EHD1: variants seen among roughly 807,000 people sequenced by gnomAD.
EHD1 encodes the protein EH domain-containing protein 1.
A neutral mutation model predicts 39.0 loss-of-function variants in EHD1; 19 were observed. The observed-to-expected ratio is 0.49, with a 90% CI of 0.34 to 0.72. The LOEUF is 0.72. EHD1 is among the 30% of genes least tolerant of loss of function. The probability of loss-of-function intolerance (pLI) is 0.01; values close to 1 mark genes in which losing one functional copy is unlikely to be tolerated. For missense variants in EHD1, 542 were observed against 751.5 expected (o/e 0.72, Z 3.26); for synonymous variants, 323 against 331.2 (o/e 0.98, Z 0.27).
At position 64,868,084 on chromosome 11, in the gene EHD1, C is replaced by CAA. The variant is rs1191449396; in HGVS notation, c.502+6336_502+6337insTT. 6.6e-6 allele frequency among the ~76,000 whole-genome samples: 1 copy of CAA among 152,218 alleles called. No homozygotes were observed. The highest frequency in any genetic ancestry group is 2.4e-5 in the African/African-American group (1 of 41,450). On this transcript the variant is annotated intron_variant, in intron 2 of 4. Coordinates refer to ENST00000320631, the MANE Select transcript of EHD1 (RefSeq NM_006795.4). The surrounding 1 kb of genome is among the most constrained non-coding windows in gnomAD (Gnocchi z 4.2). ...CCTCCCCGCCCTACCCCAGCAGCCT[C>CAA]CAAAACACAGGTAGTTCCAGCCGCA...
chr11:64,851,914 C>A lies in EHD1; in HGVS notation c.*2419G>T, dbSNP rs1188626940. ...CGTGACAGCGCAGCTCCACCTGGCA[C>A]AGGGTGAATGCCCACAGGTGGCAGC... is the stretch of plus-strand genomic sequence containing the variant. On this transcript the variant is annotated 3_prime_UTR_variant, in exon 5 of 5. Coordinates refer to ENST00000320631, the MANE Select transcript of EHD1 (RefSeq NM_006795.4). 1 of 152,246 alleles carries A rather than the reference C, an allele frequency of 6.6e-6. No homozygotes were observed. Among genetic ancestry groups the A allele is most frequent in the Non-Finnish European group, 1.5e-5 (1 of 68,056 alleles). The allele number at this position is 152,246 out of a possible 1,614,324, so 9.4% of individuals were successfully genotyped here. A position where few individuals can be genotyped will look rare whatever the true frequency, so the allele number is the denominator to read the frequency against.
At chr11:64,855,529 C>T (rs1354834261) in intron 3 of EHD1, 43 bp from the exon 4 acceptor site, 1 of 1,610,026 alleles carries the variant, frequency 6.2e-7, no homozygotes, top group East Asian at 2.2e-5. Flanking sequence ...TTGGCCCAGG[C>T]TGCCCCCGAG....
At chr11:64,866,536 G>A (rs1392730123) in intron 2 of EHD1, among the ~76,000 whole-genome samples, 2 of 152,028 alleles carry the variant, frequency 1.3e-5, no homozygotes, top group East Asian at 3.9e-4. Flanking sequence ...AAAAAAATTT[G>A]GGTGTGGTGG....
Position 64,854,116 on chromosome 11 carries a change from A to T in EHD1, c.*217T>A. 1.3e-6 allele frequency: 1 copy of T among 790,032 alleles called. No individual in the cohort carries two copies. Among genetic ancestry groups the T allele is most frequent in the Non-Finnish European group, 1.9e-6 (1 of 513,230 alleles). The allele number at this position is 790,032 out of a possible 1,614,324, so 48.9% of individuals were successfully genotyped here. On this transcript the variant is annotated 3_prime_UTR_variant, in exon 5 of 5. Coordinates refer to ENST00000320631, the MANE Select transcript of EHD1 (RefSeq NM_006795.4). ...AGCCTCTAACGTTATATATTAAAAT[A>T]GCCACAGTTCTTGTGCACACAATTC...
intron 2 of EHD1, among the ~76,000 whole-genome samples, chr11:64,862,363 A>G (rs1426653843): frequency 1.3e-5 from 2 of 152,220 alleles, no homozygotes; most frequent in East Asian, 1.9e-4. Context: ...AGCTGGATTC[A>G]TGGCCTCCCA....
intron 3 of EHD1, among the ~76,000 whole-genome samples, chr11:64,858,838 G>A (rs1461235157): frequency 6.6e-6 from 1 of 152,214 alleles, no homozygotes. Context: ...AAACCCTTTG[G>A]CCATTCAGAG....
chr11:64,874,656 T>C (rs1943866841), intron 1 of EHD1, 138 bp from the exon 2 acceptor site: 1 of 671,350 alleles, frequency 1.5e-6, no homozygotes, highest in Non-Finnish European at 2.3e-6. Flanking sequence ...GGTGGTTTTC[T>C]ATCGTCTTAG....
chr11:64,863,423 C>T (rs768240346), intron 2 of EHD1, among the ~76,000 whole-genome samples: 9 of 152,308 alleles, frequency 5.9e-5, no homozygotes, highest in Non-Finnish European at 1.0e-4. Context: ...GCAGCCCTGC[C>T]GTCCCCCAGT....
rs1943583761 is a variant in EHD1 at position 64,851,717 on chromosome 11, G to GA, written c.*2615_*2616insT. On this transcript the variant is annotated 3_prime_UTR_variant, in exon 5 of 5. Coordinates refer to ENST00000320631, the MANE Select transcript of EHD1 (RefSeq NM_006795.4). ...GCTGCAGTCTAAGGGTGGGGTTGGG[G>GA]GGATCTACCGTTTTTTCCTCTTAGT... 1 of 152,216 alleles carries GA rather than the reference G, an allele frequency of 6.6e-6. No individual in the cohort carries two copies. The highest frequency in any genetic ancestry group is 1.5e-5 in the Non-Finnish European group (1 of 68,070). The allele number at this position is 152,216 out of a possible 1,614,324, so 9.4% of individuals were successfully genotyped here. A position where few individuals can be genotyped will look rare whatever the true frequency, so the allele number is the denominator to read the frequency against.
intron 2 of EHD1, among the ~76,000 whole-genome samples, chr11:64,864,864 T>C (rs766860048): frequency 6.6e-6 from 1 of 151,134 alleles, no homozygotes; most frequent in Non-Finnish European, 1.5e-5. Flanking sequence ...CCTCCCAAAC[T>C]CCACCCAGCA....
chr11:64,866,016 C>G (rs1438145565), intron 2 of EHD1, among the ~76,000 whole-genome samples: 1 of 152,124 alleles, frequency 6.6e-6, no homozygotes, highest in Non-Finnish European at 1.5e-5. Flanking sequence ...GGCATAAACC[C>G]TAAGGAAGAG....
At position 64,878,505 on chromosome 11, in the gene EHD1, G is replaced by T; in HGVS notation, c.-41C>A. 2 of 1,550,762 alleles carry T rather than the reference G, an allele frequency of 1.3e-6. No individual in the cohort carries two copies. Among genetic ancestry groups the T allele is most frequent in the South Asian group, 1.2e-5 (1 of 82,602 alleles). On this transcript the variant is annotated 5_prime_UTR_variant, in exon 1 of 5. Transcript: ENST00000320631. Reference sequence around the variant, plus strand: ...GCTGGCTGCTGCGGGGCAGAGCGGCGGCTGAGAGCGGGGCGAGGGTGCGGA... The same window carrying T: ...GCTGGCTGCTGCGGGGCAGAGCGGCTGCTGAGAGCGGGGCGAGGGTGCGGA...
intron 3 of EHD1, among the ~76,000 whole-genome samples, chr11:64,859,152 C>T (rs988919537): frequency 3.5e-4 from 53 of 152,190 alleles, no homozygotes; most frequent in African/African-American, 1.2e-3. Context: ...GCGTGCTCTG[C>T]TTTCCCCATG....
intron 2 of EHD1, among the ~76,000 whole-genome samples, chr11:64,865,233 C>T (rs901485381): frequency 2.0e-5 from 3 of 152,270 alleles, no homozygotes; most frequent in Admixed American, 6.5e-5. Flanking sequence ...CCAGGCCCAC[C>T]GGCGCTCCTT....
chr11:64,854,972 A>G, intron 4 of EHD1, 115 bp from the exon 5 acceptor site: 6 of 1,366,288 alleles, frequency 4.4e-6, no homozygotes, highest in Non-Finnish European at 6.0e-6. Context: ...CCACACTAGC[A>G]GGGGCGACTC....
In EHD1 at chr11:64,854,480, C is replaced by G. The variant is rs1943622819; in HGVS notation, c.1458G>C (p.Lys486Asn). The change falls in exon 5 of 5, where the codon AAG (lysine) becomes AAC (asparagine). Residue 486 changes from lysine to asparagine, a missense_variant. Lys to Asn is a moderately conservative substitution (Grantham distance 94, BLOSUM62 0). Transcript: ENST00000320631. ...LPNTVLGKIW[K>N]LADVDKDGLL... ...GCCCGTCCTTGTCCACGTCGGCCAG[C>G]TTCCAGATCTTCCCTAGCACGGTGT... 2 of 1,614,182 alleles carry G rather than the reference C, an allele frequency of 1.2e-6. No individual in the cohort carries two copies. Among genetic ancestry groups the G allele is most frequent in the Admixed American group, 1.7e-5 (1 of 60,038 alleles).
At chr11:64,860,361 C>A in intron 2 of EHD1, 25 bp from the exon 3 acceptor site, 1 of 1,593,624 alleles carries the variant, frequency 6.3e-7, no homozygotes. Context: ...AGGGAGAGCT[C>A]AGGGGCGCCA....
chr11:64,866,058 A>G (rs1194280819), intron 2 of EHD1, among the ~76,000 whole-genome samples: 1 of 152,206 alleles, frequency 6.6e-6, no homozygotes, highest in Non-Finnish European at 1.5e-5. Flanking sequence ...ACATGCACAC[A>G]TACGTCCATT....
intron 2 of EHD1, among the ~76,000 whole-genome samples, chr11:64,860,946 G>A (rs1209983298): frequency 6.6e-6 from 1 of 151,592 alleles, no homozygotes; most frequent in Non-Finnish European, 1.5e-5. Context: ...CTTGAACCTG[G>A]GCGGCAGAGG....
Sources: allele counts gnomAD v4.1 joint callset (sites outside exome capture counted in the v4.1 genomes callset), GRCh38; gene constraint gnomAD v4.1.1; non-coding constraint Gnocchi (gnomAD v3.1); transcripts MANE v1.5; gene names NCBI Gene and HGNC (gene_info 2026-07-23, HGNC 2026-07-21).